GOLGA1: variants seen among roughly 807,000 people sequenced by gnomAD.
GOLGA1 encodes golgin A1, also known as golgin subfamily A member 1.
Under a neutral mutation model 119.7 loss-of-function variants are expected in GOLGA1, and 63 were observed. The observed-to-expected ratio is 0.53, with a 90% CI of 0.43 to 0.65. The LOEUF (loss-of-function observed/expected upper bound fraction) is 0.65, where lower values mean the gene tolerates loss of function less well. Ranked by LOEUF, GOLGA1 falls within the 30% of genes least tolerant of loss-of-function variation. GOLGA1 has a pLI of 0.00. For missense variants in GOLGA1, 798 were observed against 912.8 expected, an observed-to-expected ratio of 0.87 and a Z score of 1.62; for synonymous variants, 318 against 333.4, an observed-to-expected ratio of 0.95 and a Z score of 0.50.
In GOLGA1 at chr9:124,880,428, A is replaced by C. The variant is rs1281753729; in HGVS notation, c.*102T>G. The C allele has an allele frequency of 5.6e-6, 4 of 718,010 alleles. No homozygotes were observed. Among genetic ancestry groups the C allele is most frequent in the South Asian group, 4.2e-5 (3 of 70,710 alleles). 44.5% of individuals were successfully genotyped at this position (718,010 alleles called of 1,614,324 possible). On this transcript the variant is annotated 3_prime_UTR_variant, in exon 23 of 23. Transcript: ENST00000373555. ...CAATGTTTAGACACTTGTACAAAAT[A>C]CTGCAGTTACAGTGATTAAAAACCC...
intron 11 of GOLGA1, among the ~76,000 whole-genome samples, chr9:124,910,694 G>A (rs990439319): frequency 1.3e-5 from 2 of 152,158 alleles, no homozygotes; most frequent in African/African-American, 4.8e-5. Flanking sequence ...CACAGCAGGA[G>A]GTGAGTGGTG....
intron 16 of GOLGA1, 125 bp downstream of exon 16, chr9:124,890,262 CCT>C: frequency 6.0e-6 from 4 of 672,242 alleles, no homozygotes; most frequent in East Asian, 2.6e-5. Context: ...GACTGCATTC[CCT>C]GAGTCCTGAG....
Position 124,881,785 on chromosome 9 carries a change from T to G in GOLGA1, c.2135A>C (p.Glu712Ala), listed in dbSNP as rs1324284663. 1 of 1,607,796 alleles carries G rather than the reference T, an allele frequency of 6.2e-7. No individual in the cohort carries two copies. The highest frequency in any genetic ancestry group is 8.5e-7 in the Non-Finnish European group (1 of 1,176,658). The change falls in exon 21 of 23, where the codon GAG becomes GCG. Residue 712 changes from glutamate (E) to alanine (A), a missense_variant and splice_region_variant. By Grantham distance (107) the Glu-to-Ala change is moderately radical. Transcript: ENST00000373555. This position sits in a 1 kb window ranked among gnomAD's most constrained non-coding sequence, Gnocchi z 4.9. ...VLKFMSCRESEAFHLIKAVSV... is the reference protein window; with the variant it reads ...VLKFMSCRESAAFHLIKAVSV... The stretch of plus-strand genomic sequence containing the variant: ...AAAGACACCTCAAAAGCCCTTTACC[T>G]CGGATTCGCGACAAGACATGAATTT...
chr9:124,900,543 C>T lies in GOLGA1; in HGVS notation c.1070G>A (p.Arg357Lys), dbSNP rs1271196968. The T allele has an allele frequency of 2.0e-6, 3 of 1,533,702 alleles. No homozygotes were observed. Among genetic ancestry groups the T allele is most frequent in the East Asian group, 2.3e-5 (1 of 44,354 alleles). ...KAINTLETRVRELEQTLQASE... is the reference protein window; with the variant it reads ...KAINTLETRVKELEQTLQASE... ...GGCCTGCAAGGTCTGCTCCAGTTCT[C>T]TCACCTGAGAGGGAAGCAGAAGCAT... is the stretch of plus-strand genomic sequence containing the variant. The change falls in exon 13 of 23, where the codon AGA becomes AAA. Residue 357 changes from arginine (R) to lysine (K), a missense_variant. Coordinates refer to ENST00000373555, the MANE Select transcript of GOLGA1 (RefSeq NM_002077.4).
At chr9:124,904,701 G>C (rs1432073931) in intron 12 of GOLGA1, among the ~76,000 whole-genome samples, 2 of 151,758 alleles carry the variant, frequency 1.3e-5, no homozygotes, top group Admixed American at 6.6e-5. Context: ...TACCACTTTG[G>C]GATGCTGAGG....
At position 124,899,385 on chromosome 9, in the gene GOLGA1, T is replaced by C. The variant is rs2131407256; in HGVS notation, c.1255A>G (p.Ile419Val). Residue 419 changes from isoleucine (I) to valine (V), a missense_variant, in exon 14 of 23, where the codon ATA becomes GTA. Coordinates refer to ENST00000373555, the MANE Select transcript of GOLGA1 (RefSeq NM_002077.4). ...GCCCGCGTTCTCTCCAGGGCCACTA[T>C]CTGGGCTTCTAGCGCCTGGGTGCGC... ...LERTQALEAQ[I>V]VALERTRAAD... is the part of the protein sequence containing the mutation. The C allele has an allele frequency of 6.5e-7, 1 of 1,549,574 alleles. No individual in the cohort carries two copies. Among genetic ancestry groups the C allele is most frequent in the Non-Finnish European group, 8.7e-7 (1 of 1,147,170 alleles).
rs759188972 is a variant in GOLGA1, at chr9:124,889,481, G to T, written c.1553C>A (p.Thr518Asn). Residue 518 changes from threonine to asparagine, a missense_variant, in exon 17 of 23, where the codon ACC becomes AAC. Transcript: ENST00000373555. ...CTGCTCTTTCTGGAGAAGCACTTCG[G>T]TTTTTTCCCGCAGATTCTGTTCCTT... ...DEKEQNLREK[T>N]EVLLQKEQEI... is the part of the protein sequence containing the mutation. The T allele has an allele frequency of 1.5e-5, 24 of 1,613,876 alleles. No homozygotes were observed. Among genetic ancestry groups the T allele is most frequent in the Non-Finnish European group, 2.0e-5 (24 of 1,179,850 alleles).
chr9:124,921,141 A>G lies in GOLGA1; in HGVS notation c.831T>C (p.Ile277=). ...ATATTCTACTTACCTTTTGCAAATC[A>G]ATGGAAAGCTGCTGAATGAGTGCTT... ...ELQALIQQLS[I]DLQKVTAETQ... The change falls in exon 10 of 23, where the codon ATT becomes ATC. Residue 277 remains isoleucine, a synonymous_variant. Coordinates refer to ENST00000373555, the MANE Select transcript of GOLGA1 (RefSeq NM_002077.4). 1 of 1,595,120 alleles carries G rather than the reference A, an allele frequency of 6.3e-7. No individual in the cohort carries two copies.
At position 124,901,856 on chromosome 9, in the gene GOLGA1, A is replaced by G. The variant is rs372417577; in HGVS notation, c.1066-1309T>C. On this transcript the variant is annotated intron_variant, in intron 12 of 22. Transcript: ENST00000373555. The stretch of plus-strand genomic sequence containing the variant: ...ATTCCTTGAAGTGGAATTACTGTTC[A>G]CAATACAAATTCAGGATTTACTCAT... 6.6e-5 allele frequency among the ~76,000 whole-genome samples: 10 copies of G among 152,338 alleles called. 1 individual carries two copies. Among genetic ancestry groups the G allele is most frequent in the African/African-American group, 2.4e-4 (10 of 41,576 alleles).
chr9:124,900,147 C>T (rs573177978), intron 13 of GOLGA1: 12 of 243,682 alleles, frequency 4.9e-5, no homozygotes, highest in Non-Finnish European at 8.7e-5. Flanking sequence ...CCCCTGATTG[C>T]AAGTTGAGGC....
At chr9:124,939,261 G>A (rs1830946107) in intron 2 of GOLGA1, among the ~76,000 whole-genome samples, 1 of 151,860 alleles carries the variant, frequency 6.6e-6, no homozygotes, top group Non-Finnish European at 1.5e-5. Context: ...CCTCCAATAA[G>A]CTTAACTACA....
Position 124,881,847 on chromosome 9 carries a change from G to C in GOLGA1, c.2073C>G (p.Arg691=), listed in dbSNP as rs778079374. ...GTTTAAGGTACTCAAAGTTGATCTC[G>C]CGGGCATCTGTCAGGTCAGTGTTAT... ...VTNNTDLTDA[R]EINFEYLKHV... The change falls in exon 21 of 23, where the codon CGC becomes CGG. Residue 691 remains arginine (R), a synonymous_variant. Coordinates refer to ENST00000373555, the MANE Select transcript of GOLGA1 (RefSeq NM_002077.4). The surrounding 1 kb of genome is among the most constrained non-coding windows in gnomAD (Gnocchi z 4.9). 1 of 1,612,836 alleles carries C rather than the reference G, an allele frequency of 6.2e-7. No individual in the cohort carries two copies. Among genetic ancestry groups the C allele is most frequent in the Non-Finnish European group, 8.5e-7 (1 of 1,179,076 alleles).
intron 15 of GOLGA1, among the ~76,000 whole-genome samples, chr9:124,894,974 C>A (rs1829932672): frequency 6.9e-6 from 1 of 144,252 alleles, no homozygotes; most frequent in South Asian, 2.1e-4. Flanking sequence ...GACCCATCCA[C>A]AACAGAGAAC....
At chr9:124,890,333 C>T in intron 16 of GOLGA1, 56 bp downstream of exon 16, 1 of 1,190,456 alleles carries the variant, frequency 8.4e-7, no homozygotes, top group Non-Finnish European at 1.3e-6. Flanking sequence ...CAGGATGGGC[C>T]TGCTGCCTGT....
At chr9:124,919,801 T>C (rs1439420582) in intron 10 of GOLGA1, among the ~76,000 whole-genome samples, 1 of 152,118 alleles carries the variant, frequency 6.6e-6, no homozygotes, top group African/African-American at 2.4e-5. Flanking sequence ...TGAAGGATGC[T>C]ATTGGCATTC....
intron 12 of GOLGA1, among the ~76,000 whole-genome samples, chr9:124,903,536 G>A (rs910548780): frequency 2.6e-5 from 4 of 150,958 alleles, no homozygotes; most frequent in African/African-American, 4.9e-5. Context: ...ACGGGGGCTC[G>A]TGCCTGCAAG....
At chr9:124,882,630 C>G (rs915307668) in intron 19 of GOLGA1, 61 bp from the exon 20 acceptor site, 2 of 1,385,614 alleles carry the variant, frequency 1.4e-6, no homozygotes, top group African/African-American at 2.8e-5. Flanking sequence ...CCAAAGGAAA[C>G]AGACCCGAAG....
chr9:124,891,081 G>C (rs1712841181), intron 15 of GOLGA1, among the ~76,000 whole-genome samples: 1 of 152,152 alleles, frequency 6.6e-6, no homozygotes, highest in African/African-American at 2.4e-5. Flanking sequence ...GCTTGTGTCC[G>C]GGAGGTCAAG....
rs1027782536 is a variant in GOLGA1, at chr9:124,898,413, C to T, written c.1407+136G>A. The T allele has an allele frequency of 3.3e-5, 20 of 601,642 alleles. No individual in the cohort carries two copies. The Admixed American group carries it at 3.9e-4, about 12-fold the overall frequency. The allele number at this position is 601,642 out of a possible 1,614,324, so 37.3% of individuals were successfully genotyped here. A position where few individuals can be genotyped will look rare whatever the true frequency, so the allele number is the denominator to read the frequency against. On this transcript the variant is annotated intron_variant, in intron 15 of 22. Transcript: ENST00000373555. Reference sequence around the variant, plus strand: ...ACTTAATGAAGTGGCAATTTCTGGCCGATGCCTAACAGAACTATTGAACAA... The same window carrying T: ...ACTTAATGAAGTGGCAATTTCTGGCTGATGCCTAACAGAACTATTGAACAA...
Sources: gnomAD v4.1 joint callset for allele counts (sites outside exome capture counted in the v4.1 genomes callset) on GRCh38, gnomAD v4.1.1 for gene constraint, Gnocchi (gnomAD v3.1) non-coding constraint, MANE v1.5 for transcripts, NCBI Gene and HGNC (gene_info 2026-07-23, HGNC 2026-07-21) for gene names.